Variants in TRPC4AP observed in about 807,000 individuals in gnomAD.
TRPC4AP encodes short transient receptor potential channel 4-associated protein.
In TRPC4AP, 45 loss-of-function variants were observed where a neutral mutation model predicts 99.0. That is an observed-to-expected ratio of 0.45 (90% CI 0.36 to 0.58). The LOEUF is 0.58. Among genes scored for constraint, TRPC4AP ranks in the 20% least tolerant of loss-of-function variants. TRPC4AP has a pLI of 0.00. For missense variants in TRPC4AP, 879 were observed against 985.3 expected (o/e 0.89, Z 1.44); for synonymous variants, 408 against 385.8 (o/e 1.06, Z -0.67).
chr20:35,045,493 C>T (rs1390621957), intron 6 of TRPC4AP, among the ~76,000 whole-genome samples: 3 of 152,182 alleles, frequency 2.0e-5, no homozygotes, highest in Admixed American at 2.0e-4. Context: ...ACCTCAGCTT[C>T]CCAAGTAGCT....
chr20:35,038,856 T>C (rs943458572), intron 7 of TRPC4AP, among the ~76,000 whole-genome samples: 5 of 152,232 alleles, frequency 3.3e-5, no homozygotes, highest in Non-Finnish European at 5.9e-5. Flanking sequence ...GTGGATCACC[T>C]GAGTTTGGGA....
intron 2 of TRPC4AP, among the ~76,000 whole-genome samples, chr20:35,071,908 A>T (rs2084326979): frequency 6.6e-6 from 1 of 152,210 alleles, no homozygotes; most frequent in African/African-American, 2.4e-5. Flanking sequence ...CCAACAGTTT[A>T]AAAGTGTTCC....
At chr20:35,072,660 T>C (rs2084349948) in intron 2 of TRPC4AP, among the ~76,000 whole-genome samples, 1 of 152,212 alleles carries the variant, frequency 6.6e-6, no homozygotes, top group Admixed American at 6.5e-5. Flanking sequence ...TTGGTAATAG[T>C]ACCATGCTGT....
chr20:35,006,185 C>T (rs544323387), intron 15 of TRPC4AP, among the ~76,000 whole-genome samples: 378 of 152,288 alleles, frequency 2.5e-3, no homozygotes, highest in Non-Finnish European at 4.4e-3. Flanking sequence ...TGCTGCGTCA[C>T]GGCAGGCGCA....
intron 3 of TRPC4AP, among the ~76,000 whole-genome samples, chr20:35,059,881 A>C (rs1361294941): frequency 1.3e-5 from 2 of 151,482 alleles, no homozygotes; most frequent in African/African-American, 4.9e-5. Flanking sequence ...GAAAAGACGA[A>C]GACAAAGATG....
chr20:35,024,087 T>C (rs1001967922), intron 8 of TRPC4AP, among the ~76,000 whole-genome samples: 1 of 151,028 alleles, frequency 6.6e-6, no homozygotes, highest in East Asian at 1.9e-4. Context: ...CGGTCACCAC[T>C]CTCTGTCTGC....
chr20:35,052,923 C>A (rs553495162), intron 5 of TRPC4AP, among the ~76,000 whole-genome samples: 3 of 152,180 alleles, frequency 2.0e-5, no homozygotes, highest in African/African-American at 7.2e-5. Flanking sequence ...CTGCCTGATC[C>A]CTGGAGGCAT....
At chr20:35,010,103 T>A in intron 12 of TRPC4AP, 84 bp downstream of exon 12, 1 of 1,111,220 alleles carries the variant, frequency 9.0e-7, no homozygotes, top group Non-Finnish European at 1.4e-6. Context: ...CACGCGTGCA[T>A]ACCTGGATGT....
At chr20:35,030,756 C>G (rs1411096757) in intron 8 of TRPC4AP, among the ~76,000 whole-genome samples, 2 of 152,076 alleles carry the variant, frequency 1.3e-5, no homozygotes, top group Non-Finnish European at 2.9e-5. Flanking sequence ...GTTATAGGTT[C>G]AACAATATAA....
At chr20:35,035,340 C>T in intron 7 of TRPC4AP, 32 bp from the exon 8 acceptor site, 1 of 1,601,976 alleles carries the variant, frequency 6.2e-7, no homozygotes, top group South Asian at 1.1e-5. Flanking sequence ...AGGAAATTTT[C>T]AAAATAGAGA....
At chr20:35,024,525 T>C (rs2082972489) in intron 8 of TRPC4AP, among the ~76,000 whole-genome samples, 1 of 152,184 alleles carries the variant, frequency 6.6e-6, no homozygotes, top group African/African-American at 2.4e-5. Context: ...TCCGCTAGTA[T>C]AAATATATCA....
At chr20:35,027,117 C>T (rs1367428124) in intron 8 of TRPC4AP, among the ~76,000 whole-genome samples, 1 of 152,150 alleles carries the variant, frequency 6.6e-6, no homozygotes, top group Non-Finnish European at 1.5e-5. Flanking sequence ...CTTCCAGAAA[C>T]GATCAGGAAC....
Position 35,003,465 on chromosome 20 carries a change from C to T in TRPC4AP, c.2201G>A (p.Arg734His), listed in dbSNP as rs771594974. Residue 734 changes from arginine to histidine, a missense_variant, in exon 18 of 19, where the codon CGC becomes CAC. Coordinates refer to ENST00000252015, the MANE Select transcript of TRPC4AP (RefSeq NM_015638.3). ...GTGCAGGTAGTGCTGCTGCCAGAAG[C>T]GCAGCAGGTTGTGGAAGTTGTTGAG... Reference protein sequence around the residue: ...FLLNNFHNLLRFWQQHYLHKD... With the variant: ...FLLNNFHNLLHFWQQHYLHKD... 1.6e-5 allele frequency: 26 copies of T among 1,613,992 alleles called. No homozygotes were observed. The highest frequency in any genetic ancestry group is 2.1e-5 in the Non-Finnish European group (25 of 1,180,028).
chr20:35,071,283 G>C (rs937868110), intron 2 of TRPC4AP, among the ~76,000 whole-genome samples: 5 of 151,972 alleles, frequency 3.3e-5, no homozygotes, highest in Non-Finnish European at 7.4e-5. Context: ...TATTTTTGCT[G>C]TTTTTTATTT....
chr20:35,068,583 A>G (rs915176745), intron 3 of TRPC4AP, among the ~76,000 whole-genome samples: 7 of 152,032 alleles, frequency 4.6e-5, no homozygotes, highest in Non-Finnish European at 1.0e-4. Flanking sequence ...GTGCAGTGGT[A>G]TGATCTTGGC....
At chr20:35,087,921 G>C (rs2084932666) in intron 1 of TRPC4AP, among the ~76,000 whole-genome samples, 1 of 152,186 alleles carries the variant, frequency 6.6e-6, no homozygotes, top group South Asian at 2.1e-4. Flanking sequence ...AGATGGAGAA[G>C]ATCAGGTCTG....
chr20:35,083,215 C>G (rs554099853), intron 1 of TRPC4AP, among the ~76,000 whole-genome samples: 2 of 152,090 alleles, frequency 1.3e-5, no homozygotes, highest in Non-Finnish European at 2.9e-5. Flanking sequence ...TTTTTAAATG[C>G]AGTTTTAAAA....
At chr20:35,010,098 G>C in intron 12 of TRPC4AP, 89 bp downstream of exon 12, 1 of 1,030,394 alleles carries the variant, frequency 9.7e-7, no homozygotes, top group Non-Finnish European at 1.5e-6. Context: ...GAGGACACGC[G>C]TGCATACCTG....
intron 16 of TRPC4AP, 135 bp downstream of exon 16, chr20:35,005,560 G>T: frequency 1.4e-6 from 1 of 717,262 alleles, no homozygotes; most frequent in Non-Finnish European, 2.3e-6. Context: ...CCTGGAAGCC[G>T]CCACCTTGAG....
Sources: gnomAD v4.1 joint callset for allele counts (sites outside exome capture counted in the v4.1 genomes callset) on GRCh38, gnomAD v4.1.1 for gene constraint, MANE v1.5 for transcripts, NCBI Gene and HGNC (gene_info 2026-07-23, HGNC 2026-07-21) for gene names.